The following LINGO2 variants were observed in gnomAD, a reference collection of about 807,000 sequenced individuals.
LINGO2 encodes the protein leucine rich repeat and Ig domain containing 2, also known as leucine-rich repeat and immunoglobulin-like domain-containing nogo receptor-interacting protein 2.
In LINGO2, 14 loss-of-function variants were observed where a neutral mutation model predicts 30.6. The observed-to-expected ratio is 0.46, with a 90% CI of 0.30 to 0.72. The LOEUF is 0.72. LINGO2 is among the 30% of genes least tolerant of loss of function. The pLI is 0.07. For missense variants in LINGO2, 729 were observed against 751.7 expected (o/e 0.97, Z 0.35); for synonymous variants, 317 against 288.5 (o/e 1.10, Z -1.00).
intron 2 of LINGO2, among the ~76,000 whole-genome samples, chr9:28,447,678 G>T (rs989699998): frequency 6.6e-6 from 1 of 152,128 alleles, no homozygotes; most frequent in Admixed American, 6.5e-5. Context: ...ATTTTGAAAT[G>T]ATTAATAGAA....
chr9:28,310,396 G>A (rs1047552638), intron 3 of LINGO2, among the ~76,000 whole-genome samples: 2 of 152,088 alleles, frequency 1.3e-5, no homozygotes, highest in African/African-American at 4.8e-5. Flanking sequence ...ATACATCAAT[G>A]AATCACAAAA....
the LINGO2 span, among the ~76,000 whole-genome samples, chr9:28,757,652 T>G: frequency 6.6e-6 from 1 of 152,052 alleles, no homozygotes; most frequent in East Asian, 1.9e-4. Flanking sequence ...AGGCCATTTT[T>G]GTGCTGCCAT....
chr9:29,164,207 G>A, the LINGO2 span, among the ~76,000 whole-genome samples: 1 of 152,138 alleles, frequency 6.6e-6, no homozygotes, highest in East Asian at 1.9e-4. Flanking sequence ...ATCATAAAGT[G>A]GATTATCCAC....
chr9:28,083,214 G>A (rs1038117837), intron 4 of LINGO2, among the ~76,000 whole-genome samples: 1 of 152,200 alleles, frequency 6.6e-6, no homozygotes, highest in South Asian at 2.1e-4. Flanking sequence ...CTGTGGGCAG[G>A]AAGCCTGAGT....
chr9:29,118,924 T>C, the LINGO2 span, among the ~76,000 whole-genome samples: 4 of 152,138 alleles, frequency 2.6e-5, no homozygotes, highest in African/African-American at 9.7e-5. Context: ...CAATCCCTAC[T>C]GTGTGTCCTA....
chr9:28,885,434 CATAT>C, the LINGO2 span, among the ~76,000 whole-genome samples: 3 of 137,664 alleles, frequency 2.2e-5, no homozygotes, highest in South Asian at 4.9e-4. Flanking sequence ...CACACATATA[CATAT>C]ATATACACAC....
the LINGO2 span, among the ~76,000 whole-genome samples, chr9:28,995,246 G>T: frequency 6.6e-6 from 1 of 152,304 alleles, no homozygotes; most frequent in Non-Finnish European, 1.5e-5. Context: ...AGACATTTAT[G>T]CTGCCAAAAA....
Position 28,357,315 on chromosome 9 carries a change from G to GCCCC in LINGO2, c.-246+15520_-246+15521insGGGG, listed in dbSNP as rs747187754. Among the ~76,000 whole-genome samples the GCCCC allele has an allele frequency of 2.6e-3, 171 of 65,964 alleles. 6 individuals are homozygous for GCCCC. Among genetic ancestry groups the GCCCC allele is most frequent in the East Asian group, 4.9e-3 (12 of 2,460 alleles). The allele number at this position is 65,964 out of a possible 152,430, so 43.3% of individuals were successfully genotyped here. A position where few individuals can be genotyped will look rare whatever the true frequency, so the allele number is the denominator to read the frequency against. ...AAAGTCTTTCAGATACAGAAATAAAGCCCACCCCCCCCAAAAAAGAAAGCA... is the reference window on the plus strand; with the variant it reads ...AAAGTCTTTCAGATACAGAAATAAAGCCCCCCCACCCCCCCCAAAAAAGAAAGCA... On this transcript the variant is annotated intron_variant, in intron 3 of 5. Transcript: ENST00000379992.
At chr9:28,854,129 G>A in the LINGO2 span, among the ~76,000 whole-genome samples, 1 of 151,930 alleles carries the variant, frequency 6.6e-6, no homozygotes, top group Non-Finnish European at 1.5e-5. Flanking sequence ...CAGGAATGCT[G>A]CTAAATGTAC....
chr9:28,065,376 A>C (rs1563954626), intron 4 of LINGO2, among the ~76,000 whole-genome samples: 1 of 152,074 alleles, frequency 6.6e-6, no homozygotes. Flanking sequence ...TAAATACATG[A>C]ATGACCTACA....
Position 28,182,345 on chromosome 9 carries a change from C to A in LINGO2, c.-87+112863G>T, listed in dbSNP as rs536523291. 2.1e-3 allele frequency among the ~76,000 whole-genome samples: 314 copies of A among 152,014 alleles called. 2 individuals carry two copies. Among genetic ancestry groups the A allele is most frequent in the African/African-American group, 7.3e-3 (304 of 41,480 alleles). ...GGATGAAACACTTAAATGTAAAACC[C>A]AAAACCATAAAAACCCTAGAAGAAA... On this transcript the variant is annotated intron_variant, in intron 4 of 5. Coordinates refer to ENST00000379992, the Ensembl canonical transcript of LINGO2.
chr9:28,898,340 A>T, the LINGO2 span, among the ~76,000 whole-genome samples: 1 of 152,160 alleles, frequency 6.6e-6, no homozygotes, highest in Admixed American at 6.5e-5. Flanking sequence ...ATATTCAATA[A>T]CACAACAAGC....
chr9:28,349,690 A>G (rs1447948098), intron 3 of LINGO2, among the ~76,000 whole-genome samples: 1 of 140,264 alleles, frequency 7.1e-6, no homozygotes, highest in Non-Finnish European at 1.5e-5. Context: ...TCCAAGACAC[A>G]TAATTGTCAG....
At position 28,201,089 on chromosome 9, in the gene LINGO2, T is replaced by TA. The variant is rs1171550289; in HGVS notation, c.-87+94118dup. Among the ~76,000 whole-genome samples the TA allele has an allele frequency of 3.3e-5, 5 of 150,394 alleles. No homozygotes were observed. The East Asian group carries it at 7.9e-4, about 24-fold the overall frequency. ...TTGATATCTTTTTTCTTTTTTTTTT[T>TA]ATTATACTTTAAGTTTTAGGGTACA... On this transcript the variant is annotated intron_variant, in intron 4 of 5. Transcript: ENST00000379992.
intron 1 of LINGO2, among the ~76,000 whole-genome samples, chr9:28,632,452 C>G (rs1252027497): frequency 6.6e-6 from 1 of 150,888 alleles, no homozygotes; most frequent in African/African-American, 2.4e-5. Context: ...ATAAAATAAG[C>G]AAAAACGGGG....
chr9:29,048,459 T>C, the LINGO2 span, among the ~76,000 whole-genome samples: 1 of 117,308 alleles, frequency 8.5e-6, no homozygotes, highest in African/African-American at 2.9e-5. Flanking sequence ...TTCACAGAAA[T>C]AGAAAAAAAA....
At chr9:29,055,027 T>C in the LINGO2 span, among the ~76,000 whole-genome samples, 1 of 152,126 alleles carries the variant, frequency 6.6e-6, no homozygotes, top group Non-Finnish European at 1.5e-5. Flanking sequence ...GAGACCAACC[T>C]GACCAATTTG....
At chr9:28,645,442 C>T (rs531931726) in intron 1 of LINGO2, among the ~76,000 whole-genome samples, 3 of 152,198 alleles carry the variant, frequency 2.0e-5, no homozygotes, top group East Asian at 1.9e-4. Context: ...AGTCCACCTG[C>T]GGAACTGTTT....
At chr9:28,259,735 A>G (rs1822501925) in intron 4 of LINGO2, among the ~76,000 whole-genome samples, 1 of 151,984 alleles carries the variant, frequency 6.6e-6, no homozygotes, top group East Asian at 1.9e-4. Flanking sequence ...AAATTGATCA[A>G]GAAGGGAAAG....
Sources: allele counts gnomAD v4.1 joint callset (sites outside exome capture counted in the v4.1 genomes callset), GRCh38; gene constraint gnomAD v4.1.1; transcripts MANE v1.5; gene names NCBI Gene and HGNC (gene_info 2026-07-23, HGNC 2026-07-21).